Variants in CSMD2 observed in about 807,000 individuals in gnomAD.
CSMD2 encodes CUB and Sushi multiple domains 2, also known as CUB and sushi domain-containing protein 2.
In CSMD2, 130 loss-of-function variants were observed where a neutral mutation model predicts 398.5. That is an observed-to-expected ratio of 0.33 (90% CI 0.28 to 0.38). The LOEUF is 0.38. Among genes scored for constraint, CSMD2 ranks in the 10% least tolerant of loss-of-function variants. CSMD2 has a pLI of 1.00. For missense variants in CSMD2, 3,829 were observed against 4,764.9 expected (o/e 0.80, Z 5.78); for synonymous variants, 1,828 against 1,908.5 (o/e 0.96, Z 1.10).
At chr1:33,573,357 C>T (rs1298780142) in intron 49 of CSMD2, among the ~76,000 whole-genome samples, 1 of 151,910 alleles carries the variant, frequency 6.6e-6, no homozygotes, top group African/African-American at 2.4e-5. Context: ...ACAAGACAAA[C>T]CAAGATAAAG....
At chr1:34,016,982 T>C (rs1648219891) in intron 3 of CSMD2, among the ~76,000 whole-genome samples, 1 of 152,190 alleles carries the variant, frequency 6.6e-6, no homozygotes, top group African/African-American at 2.4e-5. Flanking sequence ...CAAGGGTACG[T>C]GATCGTTTAA....
At position 33,724,526 on chromosome 1, in the gene CSMD2, G is replaced by A. The variant is rs1407859112; in HGVS notation, c.2874C>T (p.Pro958=). The A allele has an allele frequency of 1.2e-6, 2 of 1,613,724 alleles. No homozygotes were observed. Among genetic ancestry groups the A allele is most frequent in the Non-Finnish European group, 1.7e-6 (2 of 1,179,860 alleles). The part of the protein sequence containing the change: ...EPNFQWSRAL[P]SCEALCGGFI... ...CATGGTGTCCCTCACCTTCACAACT[G>A]GGCAGGGCCCGGCTCCACTGGAAGT... Residue 958 remains proline (P), a synonymous_variant, in exon 18 of 71, where the codon CCC becomes CCT. Transcript: ENST00000373381.
intron 35 of CSMD2, 29 bp from the exon 36 acceptor site, chr1:33,623,495 T>C: frequency 6.5e-7 from 1 of 1,543,356 alleles, no homozygotes; most frequent in Admixed American, 1.7e-5. Flanking sequence ...GAATTGTTGG[T>C]TAGGCAGCCT....
Position 33,934,918 on chromosome 1 carries a change from C to T in CSMD2, c.712+842G>A, listed in dbSNP as rs192401409. On this transcript the variant is annotated intron_variant, in intron 4 of 70. Transcript: ENST00000373381. ...ACTCCAGAGGCTGAGGCAGGAGGAT[C>T]GCTTGATCCCAGGAGTTTGAGGCTG... is the stretch of plus-strand genomic sequence containing the variant. Among the ~76,000 whole-genome samples, 10 of 148,868 alleles carry T rather than the reference C, an allele frequency of 6.7e-5. No homozygotes were observed. In the East Asian group the frequency reaches 1.2e-3, roughly 18 times the overall value.
intron 50 of CSMD2, 100 bp downstream of exon 50, chr1:33,572,406 T>A: frequency 4.0e-6 from 4 of 993,970 alleles, no homozygotes; most frequent in Non-Finnish European, 4.2e-6. Context: ...TTTTTTTTTT[T>A]CCCCCTCATT....
intron 5 of CSMD2, among the ~76,000 whole-genome samples, chr1:33,877,830 C>T (rs1461319994): frequency 6.6e-6 from 1 of 152,210 alleles, no homozygotes; most frequent in East Asian, 1.9e-4. Context: ...TGCCAAGCCC[C>T]TGCCCTCTTT....
At chr1:34,046,495 C>A (rs1413153706) in intron 2 of CSMD2, among the ~76,000 whole-genome samples, 5 of 152,086 alleles carry the variant, frequency 3.3e-5, no homozygotes, top group African/African-American at 1.2e-4. Flanking sequence ...ACTTTGGGAA[C>A]CTTTGCATTA....
At chr1:34,149,275 G>A (rs574350619) in intron 1 of CSMD2, among the ~76,000 whole-genome samples, 1 of 152,176 alleles carries the variant, frequency 6.6e-6, no homozygotes, top group East Asian at 1.9e-4. Context: ...CCCGCCCTGG[G>A]TCCGAGGTCC....
intron 1 of CSMD2, among the ~76,000 whole-genome samples, chr1:34,108,923 G>A (rs972645943): frequency 4.6e-5 from 7 of 152,146 alleles, no homozygotes; most frequent in African/African-American, 1.7e-4. Flanking sequence ...ACAGGTGGGA[G>A]GCTAACTCTC....
At chr1:33,893,258 T>G (rs937565881) in intron 5 of CSMD2, among the ~76,000 whole-genome samples, 1 of 152,318 alleles carries the variant, frequency 6.6e-6, no homozygotes, top group South Asian at 2.1e-4. Flanking sequence ...TCTGTGCTAC[T>G]TACCTCGTAA....
At position 33,646,772 on chromosome 1, in the gene CSMD2, A is replaced by T. The variant is rs763605500; in HGVS notation, c.4650T>A (p.Pro1550=). ...HIYDGRDSLS[P]LIGSFYGSQL... is the part of the protein sequence containing the mutation. ...GGGAGCCATAGAAGCTTCCTATGAGAGGGCTGAGAGAGTCCCGTCCGTCGT... is the reference window on the plus strand; with the variant it reads ...GGGAGCCATAGAAGCTTCCTATGAGTGGGCTGAGAGAGTCCCGTCCGTCGT... The change falls in exon 29 of 71, where the codon CCT becomes CCA. Residue 1550 remains proline (P), a synonymous_variant. Transcript: ENST00000373381. 6.2e-6 allele frequency: 10 copies of T among 1,613,974 alleles called. No homozygotes were observed. Among genetic ancestry groups the T allele is most frequent in the African/African-American group, 1.3e-5 (1 of 74,914 alleles).
chr1:33,820,565 CAAAAAAAAAAAAA>C lies in CSMD2; in HGVS notation c.1112-22_1112-10del. The C allele has an allele frequency of 4.5e-6, 2 of 442,170 alleles. No homozygotes were observed. The highest frequency in any genetic ancestry group is 7.4e-6 in the Non-Finnish European group (2 of 269,016). 27.4% of individuals were successfully genotyped at this position (442,170 alleles called of 1,614,324 possible). A position where few individuals can be genotyped will look rare whatever the true frequency, so the allele number is the denominator to read the frequency against. Reference sequence around the variant, plus strand: ...CACACCAACCTGAGTTACTACAAGGCAAAAAAAAAAAAAAAAAAAAAAACAGCACACACAGAGA... The same window carrying C: ...CACACCAACCTGAGTTACTACAAGGCAAAAAAAAAACAGCACACACAGAGA... On this transcript the variant is annotated splice_polypyrimidine_tract_variant and intron_variant, in intron 7 of 70. Transcript: ENST00000373381.
At chr1:33,766,448 T>G (rs1650509319) in intron 13 of CSMD2, among the ~76,000 whole-genome samples, 1 of 152,218 alleles carries the variant, frequency 6.6e-6, no homozygotes. Flanking sequence ...AATAAATATG[T>G]GTTAAATAAA....
At chr1:33,768,535 CATGTGTGTGT>C (rs1413915565) in intron 13 of CSMD2, among the ~76,000 whole-genome samples, 331 of 114,624 alleles carry the variant, frequency 2.9e-3, no homozygotes, top group African/African-American at 0.01. Context: ...TGTGTGCGTG[CATGTGTGTGT>C]GTGTGTGTGT....
At chr1:34,015,871 T>C (rs1648016234) in intron 3 of CSMD2, among the ~76,000 whole-genome samples, 1 of 152,154 alleles carries the variant, frequency 6.6e-6, no homozygotes, top group Non-Finnish European at 1.5e-5. Context: ...CTCACACGAA[T>C]AAATCTTCAG....
At chr1:33,875,577 G>C (rs1640781745) in intron 5 of CSMD2, 1 of 152,248 alleles carries the variant, frequency 6.6e-6, no homozygotes, top group Non-Finnish European at 1.5e-5. Flanking sequence ...GAGCTGTGCA[G>C]TGTCTCAGTA....
intron 5 of CSMD2, among the ~76,000 whole-genome samples, chr1:33,912,844 ACT>A (rs1164252887): frequency 6.0e-5 from 9 of 151,202 alleles, no homozygotes; most frequent in African/African-American, 2.2e-4. Flanking sequence ...AGTCTTTCTT[ACT>A]CTGTCTCCCG....
At position 33,819,834 on chromosome 1, in the gene CSMD2, T is replaced by C; in HGVS notation, c.1203A>G (p.Leu401=). ...RGKRLGSDFR[L]GSSVQFTCNE... ...TGCAGGTGAACTGGACGCTGGATCC[T>C]AACCTGGGAGACAAAGTGTGTCTGT... The change falls in exon 9 of 71, where the codon TTA becomes TTG. Residue 401 remains leucine (L), a synonymous_variant. Transcript: ENST00000373381. The C allele has an allele frequency of 6.2e-7, 1 of 1,614,038 alleles. No homozygotes were observed. The highest frequency in any genetic ancestry group is 8.5e-7 in the Non-Finnish European group (1 of 1,179,944).
chr1:33,897,146 TGAG>T (rs776929423), intron 5 of CSMD2, among the ~76,000 whole-genome samples: 9 of 151,974 alleles, frequency 5.9e-5, no homozygotes, highest in Non-Finnish European at 1.3e-4. Flanking sequence ...GCACAAGCAA[TGAG>T]GAGCCAGGAC....
Sources: gnomAD v4.1 joint callset for allele counts (sites outside exome capture counted in the v4.1 genomes callset) on GRCh38, gnomAD v4.1.1 for gene constraint, MANE v1.5 for transcripts, NCBI Gene and HGNC (gene_info 2026-07-23, HGNC 2026-07-21) for gene names.